FAM91A1: variants seen among roughly 807,000 people sequenced by gnomAD.
The protein encoded by FAM91A1 is protein FAM91A1.
A neutral mutation model predicts 113.5 loss-of-function variants in FAM91A1; 41 were observed. The observed-to-expected ratio is 0.36, with a 90% CI of 0.28 to 0.47. FAM91A1 has a LOEUF of 0.47. FAM91A1 is among the 20% of genes least tolerant of loss of function. The pLI is 1.00. For synonymous variants in FAM91A1, 307 were observed against 347.9 expected (o/e 0.88, Z 1.31); for missense variants, 696 against 1,001.2 (o/e 0.70, Z 4.11).
intron 6 of FAM91A1, 29 bp from the exon 7 acceptor site, chr8:123,779,956 C>T (rs770708432): frequency 3.1e-6 from 5 of 1,590,760 alleles, no homozygotes; most frequent in Admixed American, 1.7e-5. Flanking sequence ...TTGGACAGAA[C>T]TTAATTAAAA....
Position 123,775,282 on chromosome 8 carries a change from A to G in FAM91A1, c.293A>G (p.Tyr98Cys). ...TTGAGGATAACACCATTTTCATATT[A>G]TACTGGGATTATGGAGGTGAGTTTA... Reference protein sequence around the residue: ...KGLRITPFSYYTGIMEDIMNS... With the variant: ...KGLRITPFSYCTGIMEDIMNS... The change falls in exon 3 of 24, where the codon TAT (tyrosine) becomes TGT (cysteine). Residue 98 changes from tyrosine (Y) to cysteine (C), a missense_variant. Transcript: ENST00000334705. 4 of 1,613,838 alleles carry G rather than the reference A, an allele frequency of 2.5e-6. No homozygotes were observed. In the South Asian group the frequency reaches 4.4e-5, roughly 18 times the overall value.
rs532599014 is a variant in FAM91A1, at chr8:123,786,991, G to C, written c.1079-270G>C. ...GAAGAAGAGCCTGCCAGCTGGTCAG[G>C]GAAGGAAAGCCATTTCAGCCCGAGA... On this transcript the variant is annotated intron_variant, in intron 12 of 23. Transcript: ENST00000334705. 3.0e-4 allele frequency among the ~76,000 whole-genome samples: 45 copies of C among 152,238 alleles called. No individual in the cohort carries two copies. The Middle Eastern group carries it at 0.01, about 35-fold the overall frequency.
intron 8 of FAM91A1, among the ~76,000 whole-genome samples, chr8:123,781,040 C>A (rs894383158): frequency 6.6e-6 from 1 of 152,062 alleles, no homozygotes; most frequent in South Asian, 2.1e-4. Context: ...ATTTATTAAA[C>A]CATTTTGTAT....
intron 18 of FAM91A1, among the ~76,000 whole-genome samples, chr8:123,804,812 C>T (rs922336726): frequency 6.6e-6 from 1 of 152,114 alleles, no homozygotes; most frequent in Non-Finnish European, 1.5e-5. Context: ...TGGTTGTTTC[C>T]AATTATATGT....
At chr8:123,788,621 GCTT>G (rs576618430) in intron 14 of FAM91A1, among the ~76,000 whole-genome samples, 44 of 152,020 alleles carry the variant, frequency 2.9e-4, no homozygotes, top group African/African-American at 8.7e-4. Flanking sequence ...ATTTCTTCAT[GCTT>G]CTTTATTTGT....
At position 123,777,285 on chromosome 8, in the gene FAM91A1, A is replaced by G. The variant is rs773226451; in HGVS notation, c.330A>G (p.Lys110=). The G allele has an allele frequency of 4.1e-5, 66 of 1,611,126 alleles. 1 individual carries two copies. In the Admixed American group the frequency reaches 9.9e-4, roughly 24 times the overall value. ...GIMEDIMNSE[K]SYDSLPNFTA... ...AAAAGGATATTATGAACAGTGAGAA[A>G]AGTTATGATTCATTGCCCAATTTTA... Residue 110 remains lysine, a synonymous_variant, in exon 4 of 24, where the codon AAA becomes AAG. Coordinates refer to ENST00000334705, the MANE Select transcript of FAM91A1 (RefSeq NM_144963.4).
chr8:123,790,224 A>T (rs1815351217), intron 15 of FAM91A1, among the ~76,000 whole-genome samples: 1 of 152,280 alleles, frequency 6.6e-6, no homozygotes. Context: ...GAGTAAAAGA[A>T]GTAGCAGCAA....
At chr8:123,778,615 G>C (rs1320581491) in intron 5 of FAM91A1, 44 bp from the exon 6 acceptor site, 1 of 1,297,776 alleles carries the variant, frequency 7.7e-7, no homozygotes, top group Non-Finnish European at 1.1e-6. Flanking sequence ...AGAAGAAAGT[G>C]GTAGTTTTAG....
At chr8:123,777,859 G>C (rs1262037254) in intron 4 of FAM91A1, among the ~76,000 whole-genome samples, 166 bp from the exon 5 acceptor site, 1 of 152,102 alleles carries the variant, frequency 6.6e-6, no homozygotes, top group East Asian at 1.9e-4. Flanking sequence ...CCAAAGTTTA[G>C]CTTTCATTTA....
intron 3 of FAM91A1, among the ~76,000 whole-genome samples, chr8:123,777,034 C>T (rs1387728976): frequency 2.6e-5 from 4 of 152,144 alleles, no homozygotes; most frequent in Non-Finnish European, 5.9e-5. Flanking sequence ...GCCTGGGATT[C>T]GTAGAGAGCC....
At position 123,814,913 on chromosome 8, in the gene FAM91A1, C is replaced by A. The variant is rs544924329; in HGVS notation, c.*2209C>A. 31 of 152,676 alleles carry A rather than the reference C, an allele frequency of 2.0e-4. No individual in the cohort carries two copies. Among genetic ancestry groups the A allele is most frequent in the African/African-American group, 6.0e-4 (25 of 41,550 alleles). 9.5% of individuals were successfully genotyped at this position (152,676 alleles called of 1,614,324 possible). The stretch of plus-strand genomic sequence containing the variant: ...AAGAAGATTCATGAAAAATTTACGT[C>A]CAATTATTTTGCAAATAGTTAATTT... On this transcript the variant is annotated 3_prime_UTR_variant, in exon 24 of 24. Transcript: ENST00000334705.
chr8:123,769,885 G>A (rs983840954), intron 1 of FAM91A1, among the ~76,000 whole-genome samples: 1 of 152,164 alleles, frequency 6.6e-6, no homozygotes, highest in Admixed American at 6.5e-5. Flanking sequence ...GTTGGCACTC[G>A]GCAGTGGCAT....
At chr8:123,783,746 G>T (rs941258798) in intron 8 of FAM91A1, among the ~76,000 whole-genome samples, 1 of 152,174 alleles carries the variant, frequency 6.6e-6, no homozygotes, top group African/African-American at 2.4e-5. Context: ...TTATTGGCTG[G>T]GCAGAGCACT....
chr8:123,791,346 C>T (rs886979553), intron 15 of FAM91A1, among the ~76,000 whole-genome samples: 2 of 151,660 alleles, frequency 1.3e-5, no homozygotes, highest in African/African-American at 4.8e-5. Context: ...GAACGCTAAG[C>T]TTTGTATTCA....
rs370100592 is a variant in FAM91A1, at chr8:123,787,385, T to G, written c.1191+12T>G. 37 of 1,590,952 alleles carry G rather than the reference T, an allele frequency of 2.3e-5. No homozygotes were observed. In the African/African-American group the frequency reaches 3.6e-4, roughly 16 times the overall value. On this transcript the variant is annotated intron_variant, in intron 13 of 23. Coordinates refer to ENST00000334705, the MANE Select transcript of FAM91A1 (RefSeq NM_144963.4). ...GAAATCTTTCACCAGTAAGCCCAAT[T>G]CTTGTTTAAATATGAAGGTGTTTAA... is the stretch of plus-strand genomic sequence containing the variant.
chr8:123,808,429 CTT>C (rs1815867444), intron 21 of FAM91A1, 53 bp downstream of exon 21: 1 of 1,478,678 alleles, frequency 6.8e-7, no homozygotes, highest in African/African-American at 1.4e-5. Flanking sequence ...TGAGGTTTAA[CTT>C]TTATGTTAAG....
intron 8 of FAM91A1, among the ~76,000 whole-genome samples, chr8:123,782,591 T>G (rs1175502435): frequency 6.6e-6 from 1 of 152,226 alleles, no homozygotes; most frequent in Non-Finnish European, 1.5e-5. Flanking sequence ...CTGTTATGCT[T>G]GAATGGAATA....
intron 1 of FAM91A1, among the ~76,000 whole-genome samples, chr8:123,772,459 G>A (rs905923241): frequency 2.6e-5 from 4 of 152,302 alleles, no homozygotes; most frequent in Middle Eastern, 3.4e-3. Context: ...TTGATGCTAC[G>A]AAGAGGATGG....
Position 123,774,076 on chromosome 8 carries a change from C to A in FAM91A1, c.73-4C>A. The A allele has an allele frequency of 6.2e-7, 1 of 1,603,778 alleles. No homozygotes were observed. The highest frequency in any genetic ancestry group is 8.5e-7 in the Non-Finnish European group (1 of 1,175,520). On this transcript the variant is annotated splice_polypyrimidine_tract_variant and splice_region_variant and intron_variant, in intron 1 of 23. Transcript: ENST00000334705. ...GTTTAAAATCTTTTTGAAATTTCTC[C>A]TAGAGTCTTGGAAATTCACAGAGAG...
Sources: allele counts gnomAD v4.1 joint callset (sites outside exome capture counted in the v4.1 genomes callset), GRCh38; gene constraint gnomAD v4.1.1; transcripts MANE v1.5; gene names NCBI Gene and HGNC (gene_info 2026-07-23, HGNC 2026-07-21).